The following ARHGAP25 variants were observed in gnomAD, a reference collection of about 807,000 sequenced individuals.
ARHGAP25 encodes the protein Rho GTPase activating protein 25, also known as rho GTPase-activating protein 25.
In ARHGAP25, 34 loss-of-function variants were observed where a neutral mutation model predicts 71.0. The ratio of observed to expected loss-of-function variants is 0.48; its 90% CI spans 0.36 to 0.64. The LOEUF is 0.64. ARHGAP25 is among the 30% of genes least tolerant of loss of function. The pLI is 0.00. For synonymous variants in ARHGAP25, 282 were observed against 296.5 expected (o/e 0.95, Z 0.50); for missense variants, 706 against 805.1 (o/e 0.88, Z 1.49).
intron 8 of ARHGAP25, among the ~76,000 whole-genome samples, chr2:68,818,516 C>G (rs1681396356): frequency 6.6e-6 from 1 of 152,152 alleles, no homozygotes; most frequent in South Asian, 2.1e-4. Context: ...TTAGTAGAGA[C>G]AGGGTTTTAC....
At chr2:68,798,195 T>G (rs551104023) in intron 4 of ARHGAP25, among the ~76,000 whole-genome samples, 1 of 152,340 alleles carries the variant, frequency 6.6e-6, no homozygotes, top group Non-Finnish European at 1.5e-5. Context: ...CTTGGATTTC[T>G]TTTCTCCTTT....
chr2:68,771,294 G>A (rs779660198), intron 1 of ARHGAP25, among the ~76,000 whole-genome samples: 45 of 152,136 alleles, frequency 3.0e-4, no homozygotes, highest in Non-Finnish European at 6.0e-4. Context: ...TGGTCTGCCT[G>A]CAGCCCCCTC....
chr2:68,802,244 T>C (rs1170615688), intron 4 of ARHGAP25, among the ~76,000 whole-genome samples: 1 of 74,458 alleles, frequency 1.3e-5, no homozygotes, highest in African/African-American at 3.2e-5. Flanking sequence ...CCGTCTCTAC[T>C]AAAAATACAA....
At chr2:68,781,914 G>C (rs1678368772) in intron 2 of ARHGAP25, among the ~76,000 whole-genome samples, 1 of 152,192 alleles carries the variant, frequency 6.6e-6, no homozygotes, top group South Asian at 2.1e-4. Flanking sequence ...CAAAGACCAA[G>C]TGTCTCATTT....
chr2:68,744,678 A>G (rs925459234), intron 1 of ARHGAP25, among the ~76,000 whole-genome samples: 6 of 152,206 alleles, frequency 3.9e-5, no homozygotes, highest in Non-Finnish European at 7.3e-5. Context: ...TTACATGTTC[A>G]TTCAAGTCTA....
intron 4 of ARHGAP25, among the ~76,000 whole-genome samples, 192 bp downstream of exon 4, chr2:68,788,148 C>T (rs529740223): frequency 6.6e-6 from 1 of 152,230 alleles, no homozygotes; most frequent in African/African-American, 2.4e-5. Context: ...CTTCCCACCC[C>T]CTGCGGCACC....
At chr2:68,775,157 C>T (rs1233573001) in intron 1 of ARHGAP25, 64 bp from the exon 2 acceptor site, 2 of 1,613,304 alleles carry the variant, frequency 1.2e-6, no homozygotes, top group Non-Finnish European at 8.5e-7. Context: ...CTCTCCTCTC[C>T]GCCCACTCTT....
intron 2 of ARHGAP25, among the ~76,000 whole-genome samples, chr2:68,780,020 C>T (rs1273581560): frequency 6.6e-6 from 1 of 152,242 alleles, no homozygotes; most frequent in Non-Finnish European, 1.5e-5. Flanking sequence ...TGGAATCACA[C>T]TGACTGATGC....
upstream of ARHGAP25, among the ~76,000 whole-genome samples, chr2:68,731,640 C>T (rs774545753): frequency 4.0e-4 from 61 of 152,098 alleles, 1 homozygote; most frequent in Non-Finnish European, 2.9e-5. Flanking sequence ...TTCTTAGGAG[C>T]GACCTGAAGA....
intron 2 of ARHGAP25, among the ~76,000 whole-genome samples, chr2:68,777,387 A>G (rs1037908617): frequency 1.3e-5 from 2 of 152,214 alleles, no homozygotes; most frequent in Non-Finnish European, 2.9e-5. Context: ...AAATTAGACA[A>G]TACTACCTGG....
chr2:68,795,684 A>G (rs1679490086), intron 4 of ARHGAP25, among the ~76,000 whole-genome samples: 1 of 152,174 alleles, frequency 6.6e-6, no homozygotes, highest in Non-Finnish European at 1.5e-5. Context: ...GTGGCCTGAC[A>G]TATGGCCTGT....
chr2:68,733,314 G>T (rs1042725377), upstream of ARHGAP25, among the ~76,000 whole-genome samples: 1 of 152,182 alleles, frequency 6.6e-6, no homozygotes, highest in African/African-American at 2.4e-5. Flanking sequence ...GAAGTCGTAG[G>T]TATCCTTGAT....
intron 1 of ARHGAP25, 74 bp from the exon 2 acceptor site, chr2:68,775,147 C>T: frequency 6.2e-7 from 1 of 1,612,328 alleles, no homozygotes; most frequent in Non-Finnish European, 8.5e-7. Context: ...TGGGGTTCCT[C>T]TCTCCTCTCC....
At chr2:68,788,040 A>ACCCAGGT in intron 4 of ARHGAP25, 84 bp downstream of exon 4, 1 of 1,083,706 alleles carries the variant, frequency 9.2e-7, no homozygotes, top group Non-Finnish European at 1.4e-6. Flanking sequence ...TAGCTCCTTG[A>ACCCAGGT]GCAGTGCTCA....
intron 2 of ARHGAP25, among the ~76,000 whole-genome samples, chr2:68,726,448 A>G (rs1674885919): frequency 6.6e-6 from 1 of 152,248 alleles, no homozygotes; most frequent in Non-Finnish European, 1.5e-5. Context: ...GTTGGAAAAC[A>G]TGAGATTCTT....
In ARHGAP25 at chr2:68,826,452, C is replaced by T. The variant is rs1203583373; in HGVS notation, c.*258C>T. On this transcript the variant is annotated 3_prime_UTR_variant, in exon 11 of 11. Coordinates refer to ENST00000409202, the MANE Select transcript of ARHGAP25 (RefSeq NM_001007231.3). The stretch of plus-strand genomic sequence containing the variant: ...ATTCCATTCTGGTCTCAGGCATGAC[C>T]ACGTCCAGTGAAGACATTTGAGGCA... The T allele has an allele frequency of 1.8e-6, 1 of 564,198 alleles. No individual in the cohort carries two copies. Among genetic ancestry groups the T allele is most frequent in the African/African-American group, 1.9e-5 (1 of 53,878 alleles). The allele number at this position is 564,198 out of a possible 1,614,324, so 34.9% of individuals were successfully genotyped here.
chr2:68,741,254 G>A (rs1426667835), intron 1 of ARHGAP25, among the ~76,000 whole-genome samples: 2 of 152,110 alleles, frequency 1.3e-5, no homozygotes, highest in Non-Finnish European at 2.9e-5. Context: ...GCTCCTAATT[G>A]TACTGGAAAA....
intron 2 of ARHGAP25, among the ~76,000 whole-genome samples, chr2:68,711,267 A>C (rs531022132): frequency 6.6e-6 from 1 of 152,356 alleles, no homozygotes; most frequent in South Asian, 2.1e-4. Context: ...GAATTTTCCC[A>C]TAAGTCCTTC....
rs915558610 is a variant in ARHGAP25 at position 68,775,002 on chromosome 2, G to A, written c.62-219G>A. ...CACGGGGCCACCGACTGCAGCCTGG[G>A]TTTTATTCTTGGCCTGGCCCTGACC... On this transcript the variant is annotated intron_variant, in intron 1 of 10. Transcript: ENST00000409202. 20 of 1,455,134 alleles carry A rather than the reference G, an allele frequency of 1.4e-5. No individual in the cohort carries two copies. The African/African-American group carries it at 2.4e-4, about 18-fold the overall frequency. 90.1% of individuals were successfully genotyped at this position (1,455,134 alleles called of 1,614,324 possible). A position where few individuals can be genotyped will look rare whatever the true frequency, so the allele number is the denominator to read the frequency against.
Sources: allele counts gnomAD v4.1 joint callset (sites outside exome capture counted in the v4.1 genomes callset), GRCh38; gene constraint gnomAD v4.1.1; transcripts MANE v1.5; gene names NCBI Gene and HGNC (gene_info 2026-07-23, HGNC 2026-07-21).